The following ZNF888 variants were observed in gnomAD, a reference collection of about 807,000 sequenced individuals.
ZNF888 encodes zinc finger protein 888, also known as CTD-2331H12.6.
Under a neutral mutation model 7.2 loss-of-function variants are expected in ZNF888, and 5 were observed. The ratio of observed to expected loss-of-function variants is 0.70; its 90% CI spans 0.36 to 1.46. ZNF888 has a LOEUF of 1.46. Ranked by LOEUF, ZNF888 falls within the 40% of genes most tolerant of loss-of-function variation. The probability of loss-of-function intolerance (pLI) is 0.03; values close to 1 mark genes in which losing one functional copy is unlikely to be tolerated. For missense variants in ZNF888, 716 were observed against 858.0 expected, an observed-to-expected ratio of 0.83 and a Z score of 2.07; for synonymous variants, 240 against 284.3, an observed-to-expected ratio of 0.84 and a Z score of 1.57.
intron 1 of ZNF888, 49 bp downstream of exon 1, chr19:52,923,320 G>T (rs2064843502): frequency 5.1e-6 from 5 of 985,566 alleles, no homozygotes; most frequent in African/African-American, 3.5e-5. Flanking sequence ...GTACAGAATT[G>T]CCGGGGACCT....
At chr19:52,922,316 T>A (rs1253884562) in intron 1 of ZNF888, among the ~76,000 whole-genome samples, 2 of 152,002 alleles carry the variant, frequency 1.3e-5, no homozygotes, top group Non-Finnish European at 2.9e-5. Flanking sequence ...TATACCCCCC[T>A]GGCCCCACTC....
intron 1 of ZNF888, chr19:52,921,635 A>C (rs2064823439): frequency 1.0e-6 from 1 of 983,426 alleles, no homozygotes; most frequent in Non-Finnish European, 1.2e-6. Flanking sequence ...AATTACAGTA[A>C]CATTTACAAA....
chr19:52,912,665 G>A (rs28394029), intron 4 of ZNF888, among the ~76,000 whole-genome samples: 67,626 of 151,240 alleles, frequency 0.45, 15,485 homozygotes, highest in Non-Finnish European at 0.48. Flanking sequence ...GGGAGGTGGA[G>A]GTTGCAGTGG....
chr19:52,919,869 A>G (rs1467302896), intron 1 of ZNF888, among the ~76,000 whole-genome samples: 4 of 48,824 alleles, frequency 8.2e-5, no homozygotes, highest in South Asian at 6.9e-4. Context: ...GAAGTGAGGA[A>G]ACCCTCTGCC....
chr19:52,905,359 C>T lies in ZNF888; in HGVS notation c.*806G>A, dbSNP rs2064594737. ...CCCCTTTGATTGTAACTTTCCACTA[C>T]CTACCCAAATCCTATAAAACGGCCC... On this transcript the variant is annotated 3_prime_UTR_variant, in exon 5 of 5. Transcript: ENST00000638862. 1 of 152,466 alleles carries T rather than the reference C, an allele frequency of 6.6e-6. No homozygotes were observed. Among genetic ancestry groups the T allele is most frequent in the Admixed American group, 6.6e-5 (1 of 15,254 alleles). The allele number at this position is 152,466 out of a possible 1,614,324, so 9.4% of individuals were successfully genotyped here. A position where few individuals can be genotyped will look rare whatever the true frequency, so the allele number is the denominator to read the frequency against.
chr19:52,916,237 G>A, intron 3 of ZNF888, among the ~76,000 whole-genome samples: 1 of 152,234 alleles, frequency 6.6e-6, no homozygotes, highest in East Asian at 1.9e-4. Context: ...TGACCCTGAG[G>A]GTAGAGGTTG....
At chr19:52,916,798 C>A (rs979867930) in intron 3 of ZNF888, among the ~76,000 whole-genome samples, 3 of 151,852 alleles carry the variant, frequency 2.0e-5, no homozygotes, top group Admixed American at 6.6e-5. Context: ...ATCACCCTTT[C>A]AACTGCCTGG....
At chr19:52,908,240 C>T (rs1348023513) in intron 4 of ZNF888, 61 bp from the exon 5 acceptor site, 19 of 1,471,676 alleles carry the variant, frequency 1.3e-5, no homozygotes, top group East Asian at 1.1e-4. Context: ...AATACTGAAA[C>T]GTGTAAATAT....
intron 1 of ZNF888, among the ~76,000 whole-genome samples, chr19:52,922,232 T>C (rs903481282): frequency 3.6e-5 from 5 of 137,486 alleles, no homozygotes; most frequent in Admixed American, 1.5e-4. Flanking sequence ...TTTAGATTGT[T>C]CTCAATGTCC....
intron 1 of ZNF888, among the ~76,000 whole-genome samples, chr19:52,922,655 A>G (rs1323412102): frequency 1.3e-5 from 2 of 151,896 alleles, no homozygotes; most frequent in South Asian, 2.1e-4. Flanking sequence ...TTCTTCTTTT[A>G]TCTGTCTCAG....
chr19:52,922,061 T>A (rs183647826), intron 1 of ZNF888, among the ~76,000 whole-genome samples: 1 of 151,864 alleles, frequency 6.6e-6, no homozygotes, highest in African/African-American at 2.4e-5. Flanking sequence ...ACACCTGTAT[T>A]CCCAGCACTT....
intron 4 of ZNF888, among the ~76,000 whole-genome samples, chr19:52,911,814 T>A (rs1176981456): frequency 6.6e-6 from 1 of 151,820 alleles, no homozygotes; most frequent in Admixed American, 6.6e-5. Flanking sequence ...TTTATTTTAT[T>A]TTATTTATTT....
At position 52,905,925 on chromosome 19, in the gene ZNF888, TTC is replaced by T; in HGVS notation, c.*238_*239del. 1 of 805,746 alleles carries T rather than the reference TTC, an allele frequency of 1.2e-6. No homozygotes were observed. The highest frequency in any genetic ancestry group is 2.2e-6 in the Non-Finnish European group (1 of 456,054). The allele number at this position is 805,746 out of a possible 1,614,324, so 49.9% of individuals were successfully genotyped here. The stretch of plus-strand genomic sequence containing the variant: ...CTCACAATCATCACACTTGTGAGGT[TTC>T]TCTCCTGTATGAATTCTCCTGTTTT... On this transcript the variant is annotated 3_prime_UTR_variant, in exon 5 of 5. Coordinates refer to ENST00000638862, the MANE Select transcript of ZNF888 (RefSeq NM_001393938.1).
chr19:52,921,453 A>G (rs937728132), intron 1 of ZNF888, among the ~76,000 whole-genome samples: 1 of 152,190 alleles, frequency 6.6e-6, no homozygotes, highest in Admixed American at 6.5e-5. Context: ...GAGTAAGAAG[A>G]TGTGCCTGAA....
intron 1 of ZNF888, among the ~76,000 whole-genome samples, chr19:52,922,609 A>G (rs540017411): frequency 4.8e-4 from 73 of 151,978 alleles, no homozygotes; most frequent in Non-Finnish European, 2.8e-4. Flanking sequence ...ATCCCTGACC[A>G]TCCCCTACTT....
chr19:52,909,989 C>T (rs1174793408), intron 4 of ZNF888, among the ~76,000 whole-genome samples: 1 of 151,794 alleles, frequency 6.6e-6, no homozygotes, highest in Non-Finnish European at 1.5e-5. Flanking sequence ...TGGTGAAACC[C>T]CGTCTCAACT....
intron 1 of ZNF888, 112 bp downstream of exon 1, chr19:52,923,257 G>A: frequency 7.2e-6 from 7 of 977,560 alleles, no homozygotes; most frequent in Non-Finnish European, 8.5e-6. Flanking sequence ...ATTTGCTCTT[G>A]TTGAAGGAAG....
At chr19:52,920,279 C>T (rs28482940) in intron 1 of ZNF888, among the ~76,000 whole-genome samples, 17,071 of 63,240 alleles carry the variant, frequency 0.27, 7,349 homozygotes, top group South Asian at 0.5. Context: ...ATTGAGAGGC[C>T]GGGTGGTTGC....
chr19:52,916,625 TATATATATATATATATAG>T (rs1405209131), intron 3 of ZNF888, among the ~76,000 whole-genome samples: 1 of 123,822 alleles, frequency 8.1e-6, no homozygotes, highest in East Asian at 2.5e-4. Flanking sequence ...CATATATATA[TATATATATATATATATAG>T]GTTTTAAATA....
Sources: gnomAD v4.1 joint callset for allele counts (sites outside exome capture counted in the v4.1 genomes callset) on GRCh38, gnomAD v4.1.1 for gene constraint, MANE v1.5 for transcripts, NCBI Gene and HGNC (gene_info 2026-07-23, HGNC 2026-07-21) for gene names.